The following RPL21 variants were observed in gnomAD, a reference collection of about 807,000 sequenced individuals.
RPL21 encodes the protein ribosomal protein L21.
Under a neutral mutation model 21.2 loss-of-function variants are expected in RPL21, and 1 was observed. The ratio of observed to expected loss-of-function variants is 0.05; its 90% CI spans 0.02 to 0.22. The LOEUF is 0.22. Among genes scored for constraint, RPL21 ranks in the 10% least tolerant of loss-of-function variants. The pLI, the probability that RPL21 is intolerant of heterozygous loss-of-function variation, is 1.00. For synonymous variants in RPL21, 52 were observed against 62.9 expected (o/e 0.83, Z 0.82); for missense variants, 113 against 199.4 (o/e 0.57, Z 2.61).
chr13:27,254,713 G>A (rs982207167), intron 3 of RPL21, among the ~76,000 whole-genome samples: 8 of 148,508 alleles, frequency 5.4e-5, no homozygotes, highest in African/African-American at 1.5e-4. Context: ...AGTAGAGAAG[G>A]GGTTTCTCCA....
chr13:27,253,574 A>G (rs1403463121), intron 1 of RPL21, 191 bp from the exon 2 acceptor site: 3 of 533,156 alleles, frequency 5.6e-6, no homozygotes, highest in African/African-American at 3.8e-5. Flanking sequence ...GAACTTGGGC[A>G]GTTTTGCCAA....
chr13:27,254,135 T>G, intron 2 of RPL21, 85 bp from the exon 3 acceptor site: 1 of 855,356 alleles, frequency 1.2e-6, no homozygotes, highest in Non-Finnish European at 2.0e-6. Flanking sequence ...AAAAATGATA[T>G]ATGTGTTAAA....
intron 1 of RPL21, 45 bp from the exon 2 acceptor site, chr13:27,253,720 T>C: frequency 9.4e-7 from 1 of 1,068,076 alleles, no homozygotes; most frequent in South Asian, 1.2e-5. Flanking sequence ...TTGGGGCAAA[T>C]GCCAGTTTTC....
chr13:27,254,894 T>C (rs1023251136), intron 3 of RPL21: 2 of 400,474 alleles, frequency 5.0e-6, no homozygotes, highest in Non-Finnish European at 9.5e-6. Context: ...AGTTAACAGC[T>C]AGTGGAAATT....
rs1052422526 is a variant in RPL21 at position 27,256,241 on chromosome 13, G to A, written c.300G>A (p.Lys100=). 28 of 1,588,378 alleles carry A rather than the reference G, an allele frequency of 1.8e-5. No individual in the cohort carries two copies. The highest frequency in any genetic ancestry group is 2.2e-5 in the Non-Finnish European group (25 of 1,162,096). ...GTATTGAGCACATTAAGCACTCTAA[G>A]AGCCGAGATAGCTTCCTGAAACGTG... ...NVRIEHIKHS[K]SRDSFLKRVK... The change falls in exon 5 of 6, where the codon AAG becomes AAA. Residue 100 remains lysine (K), a synonymous_variant. Coordinates refer to ENST00000311549, the MANE Select transcript of RPL21 (RefSeq NM_000982.4).
chr13:27,256,282 A>G lies in RPL21; in HGVS notation c.341A>G (p.Gln114Arg). ...CTGAAACGTGTGAAGGAAAATGATCAGAAAAAGAAAGAAGCCAAAGAGAAA... is the reference window on the plus strand; with the variant it reads ...CTGAAACGTGTGAAGGAAAATGATCGGAAAAAGAAAGAAGCCAAAGAGAAA... ...SFLKRVKEND[Q>R]KKKEAKEKGT... The change falls in exon 5 of 6, where the codon CAG becomes CGG. Residue 114 changes from glutamine (Q) to arginine (R), a missense_variant. Gln to Arg is a conservative substitution (Grantham distance 43, BLOSUM62 1). Transcript: ENST00000311549. 1 of 1,604,158 alleles carries G rather than the reference A, an allele frequency of 6.2e-7. No homozygotes were observed. The highest frequency in any genetic ancestry group is 8.5e-7 in the Non-Finnish European group (1 of 1,173,380).
Position 27,256,307 on chromosome 13 carries a change from A to C in RPL21, c.366A>C (p.Lys122Asn). 6.2e-7 allele frequency: 1 copy of C among 1,609,356 alleles called. No individual in the cohort carries two copies. The highest frequency in any genetic ancestry group is 8.5e-7 in the Non-Finnish European group (1 of 1,176,902). Residue 122 changes from lysine to asparagine, a missense_variant, in exon 5 of 6, where the codon AAA becomes AAC. Coordinates refer to ENST00000311549, the MANE Select transcript of RPL21 (RefSeq NM_000982.4). ...AGAAAAAGAAAGAAGCCAAAGAGAA[A>C]GGTACCTGGGTTCAACTAAAGCGCC... ...NDQKKKEAKE[K>N]GTWVQLKRQP...
At chr13:27,254,104 G>C (rs2137909243) in intron 2 of RPL21, 116 bp from the exon 3 acceptor site, 1 of 767,908 alleles carries the variant, frequency 1.3e-6, no homozygotes, top group East Asian at 2.5e-5. Flanking sequence ...CCATTGGGAA[G>C]ATAATAAGCA....
intron 4 of RPL21, 85 bp downstream of exon 4, chr13:27,255,439 A>G: frequency 1.3e-6 from 1 of 781,000 alleles, no homozygotes; most frequent in South Asian, 1.3e-5. Flanking sequence ...TTATGTCTTT[A>G]TTGGTCATTC....
At chr13:27,255,207 G>C (rs950930768) in intron 3 of RPL21, 35 bp from the exon 4 acceptor site, 1 of 858,456 alleles carries the variant, frequency 1.2e-6, no homozygotes, top group East Asian at 2.4e-5. Flanking sequence ...AAAGGAAGGG[G>C]AAATGCTGGT....
chr13:27,252,053 T>G (rs565734422), intron 1 of RPL21, among the ~76,000 whole-genome samples: 1 of 152,198 alleles, frequency 6.6e-6, no homozygotes, highest in Admixed American at 6.5e-5. Flanking sequence ...AGGAATGGGT[T>G]TAAAGTCAGG....
chr13:27,255,309 A>G lies in RPL21; in HGVS notation c.197A>G (p.Asn66Ser), dbSNP rs375524561. The change falls in exon 4 of 6, where the codon AAT (asparagine) becomes AGT (serine). Residue 66 changes from asparagine (N) to serine (S), a missense_variant. Physicochemically the swap from Asn to Ser is conservative, Grantham distance 46. Coordinates refer to ENST00000311549, the MANE Select transcript of RPL21 (RefSeq NM_000982.4). Reference protein sequence around the residue: ...CYHGKTGRVYNVTQHAVGIVV... With the variant: ...CYHGKTGRVYSVTQHAVGIVV... The stretch of plus-strand genomic sequence containing the variant: ...CATGGCAAAACTGGAAGAGTCTACA[A>G]TGTTACCCAGCATGCTGTTGGCATT... The G allele has an allele frequency of 2.2e-5, 32 of 1,487,020 alleles. No individual in the cohort carries two copies. The highest frequency in any genetic ancestry group is 2.8e-5 in the African/African-American group (2 of 72,260). 92.1% of individuals were successfully genotyped at this position (1,487,020 alleles called of 1,614,324 possible). A position where few individuals can be genotyped will look rare whatever the true frequency, so the allele number is the denominator to read the frequency against.
Position 27,256,344 on chromosome 13 carries a change from T to C in RPL21, c.393+10T>C. 2 of 1,609,974 alleles carry C rather than the reference T, an allele frequency of 1.2e-6. No individual in the cohort carries two copies. Among genetic ancestry groups the C allele is most frequent in the East Asian group, 2.2e-5 (1 of 44,762 alleles). ...TCAACTAAAGCGCCAGGTAAGAATT[T>C]GGTGTATATTTCATTGGTTCTGAGA... On this transcript the variant is annotated intron_variant, in intron 5 of 5. Coordinates refer to ENST00000311549, the MANE Select transcript of RPL21 (RefSeq NM_000982.4).
In RPL21 at chr13:27,253,805, G is replaced by C; in HGVS notation, c.29G>C (p.Gly10Ala). 1 of 1,608,442 alleles carries C rather than the reference G, an allele frequency of 6.2e-7. No individual in the cohort carries two copies. The highest frequency in any genetic ancestry group is 8.5e-7 in the Non-Finnish European group (1 of 1,175,000). The change falls in exon 2 of 6, where the codon GGC becomes GCC. Residue 10 changes from glycine to alanine, a missense_variant. Physicochemically the swap from Gly to Ala is moderately conservative, Grantham distance 60. Coordinates refer to ENST00000311549, the MANE Select transcript of RPL21 (RefSeq NM_000982.4). MTNTKGKRR[G>A]TRYMFSRPFR... ...ACGAACACAAAGGGAAAGAGGAGAG[G>C]CACCCGATATATGTTCTCTAGGCCT...
intron 1 of RPL21, among the ~76,000 whole-genome samples, chr13:27,252,634 C>G (rs1566038119): frequency 6.6e-6 from 1 of 152,144 alleles, no homozygotes. Flanking sequence ...CCTTTGTGTA[C>G]TAACTTAGCA....
In RPL21 at chr13:27,253,980, GTAAA is replaced by G. The variant is rs1410890204; in HGVS notation, c.67+143_67+146del. On this transcript the variant is annotated intron_variant, in intron 2 of 5. Coordinates refer to ENST00000311549, the MANE Select transcript of RPL21 (RefSeq NM_000982.4). ...TCTACCCAGCTTATTTCGTGATAAG[GTAAA>G]TAAATTACCAAAATTATATGGTGAT... 4 of 716,226 alleles carry G rather than the reference GTAAA, an allele frequency of 5.6e-6. No homozygotes were observed. In the East Asian group the frequency reaches 1.1e-4, roughly 19 times the overall value. 44.4% of individuals were successfully genotyped at this position (716,226 alleles called of 1,614,324 possible).
Position 27,256,507 on chromosome 13 carries a change from C to G in RPL21, c.465C>G (p.Pro155=), listed in dbSNP as rs769594918. The change falls in exon 6 of 6, where the codon CCC becomes CCG. Residue 155 remains proline (P), a synonymous_variant. Coordinates refer to ENST00000311549, the MANE Select transcript of RPL21 (RefSeq NM_000982.4). ...GKEPELLEPI[P]YEFMA is the part of the protein sequence containing the mutation. ...AGCCTGAGCTGCTGGAACCTATTCCCTATGAATTCATGGCATAATAGGTGT... is the reference window on the plus strand; with the variant it reads ...AGCCTGAGCTGCTGGAACCTATTCCGTATGAATTCATGGCATAATAGGTGT... 66 of 1,385,948 alleles carry G rather than the reference C, an allele frequency of 4.8e-5. 1 individual carries two copies. In the Admixed American group the frequency reaches 5.4e-4, roughly 11 times the overall value. The allele number at this position is 1,385,948 out of a possible 1,614,324, so 85.9% of individuals were successfully genotyped here.
chr13:27,256,323 C>G lies in RPL21; in HGVS notation c.382C>G (p.Leu128Val), dbSNP rs777599973. ...EAKEKGTWVQ[L>V]KRQPAPPREA... ...CAAAGAGAAAGGTACCTGGGTTCAACTAAAGCGCCAGGTAAGAATTTGGTG... is the reference window on the plus strand; with the variant it reads ...CAAAGAGAAAGGTACCTGGGTTCAAGTAAAGCGCCAGGTAAGAATTTGGTG... The change falls in exon 5 of 6, where the codon CTA (leucine) becomes GTA (valine). Residue 128 changes from leucine (L) to valine (V), a missense_variant. By Grantham distance (32) the Leu-to-Val change is conservative. Coordinates refer to ENST00000311549, the MANE Select transcript of RPL21 (RefSeq NM_000982.4). 5.6e-6 allele frequency: 9 copies of G among 1,610,682 alleles called. No homozygotes were observed. The highest frequency in any genetic ancestry group is 6.8e-6 in the Non-Finnish European group (8 of 1,177,624).
intron 3 of RPL21, 64 bp downstream of exon 3, chr13:27,254,345 G>T: frequency 1.2e-6 from 1 of 862,336 alleles, no homozygotes; most frequent in South Asian, 1.3e-5. Context: ...ATCTAGTGTA[G>T]GAATTCAAAT....
Sources: allele counts gnomAD v4.1 joint callset (sites outside exome capture counted in the v4.1 genomes callset), GRCh38; gene constraint gnomAD v4.1.1; transcripts MANE v1.5; gene names NCBI Gene and HGNC (gene_info 2026-07-23, HGNC 2026-07-21).